The following NSD3 variants were observed in gnomAD, a reference collection of about 807,000 sequenced individuals.
NSD3 encodes the protein nuclear receptor binding SET domain protein 3.
A neutral mutation model predicts 160.8 loss-of-function variants in NSD3; 24 were observed. The ratio of observed to expected loss-of-function variants is 0.15; its 90% confidence interval spans 0.11 to 0.21. The LOEUF (loss-of-function observed/expected upper bound fraction) is 0.21, where lower values mean the gene tolerates loss of function less well. Ranked by LOEUF, NSD3 falls within the 10% of genes least tolerant of loss-of-function variation. NSD3 has a pLI of 1.00. For missense variants in NSD3, 1,157 were observed against 1,735.9 expected (o/e 0.67, Z 5.93); for synonymous variants, 520 against 600.0 (o/e 0.87, Z 1.95).
intron 3 of NSD3, among the ~76,000 whole-genome samples, chr8:38,338,170 C>T (rs971396619): frequency 4.6e-5 from 7 of 151,940 alleles, no homozygotes; most frequent in African/African-American, 1.5e-4. Flanking sequence ...TATGGTGGCA[C>T]GTGCCTGTCA....
intron 1 of NSD3, among the ~76,000 whole-genome samples, chr8:38,367,717 A>C (rs1435155679): frequency 6.6e-6 from 1 of 152,162 alleles, no homozygotes; most frequent in African/African-American, 2.4e-5. Context: ...GTCTCAAAAA[A>C]ATAAATAAAT....
chr8:38,320,869 G>A (rs1272667279), intron 8 of NSD3: 3 of 426,028 alleles, frequency 7.0e-6, no homozygotes, highest in Non-Finnish European at 1.2e-5. Context: ...CCTGAAACCT[G>A]TTTTCTGTGA....
chr8:38,301,560 A>G (rs1304586812), intron 14 of NSD3, among the ~76,000 whole-genome samples: 1 of 152,254 alleles, frequency 6.6e-6, no homozygotes, highest in African/African-American at 2.4e-5. Flanking sequence ...AGCCTGGGCA[A>G]CAAGAGCAAA....
intron 4 of NSD3, 150 bp downstream of exon 4, chr8:38,337,155 A>AAG: frequency 2.8e-6 from 1 of 354,060 alleles, no homozygotes; most frequent in Non-Finnish European, 4.2e-6. Flanking sequence ...AAAAAAAAAG[A>AAG]AAAAAAAAAA....
chr8:38,366,617 T>C (rs919025764), intron 1 of NSD3, among the ~76,000 whole-genome samples: 3 of 152,036 alleles, frequency 2.0e-5, no homozygotes, highest in Admixed American at 1.3e-4. Context: ...TTTCACCATG[T>C]TGGCCAGGAT....
At chr8:38,287,741 CTCCAGGGTTCAAGTGAT>C (rs1002638478) in intron 19 of NSD3, among the ~76,000 whole-genome samples, 10 of 151,952 alleles carry the variant, frequency 6.6e-5, no homozygotes, top group African/African-American at 2.4e-4. Flanking sequence ...CAACCTCCAC[CTCCAGGGTTCAAGTGAT>C]TCTCCTGCCT....
rs572656757 is a variant in NSD3 at position 38,271,747 on chromosome 8, A to G, written c.*3894T>C. ...GTCTACGCTGCCCAGAAATAAAGCA[A>G]CTTTCCAATGTCCTTTTTCTCATAT... On this transcript the variant is annotated 3_prime_UTR_variant, in exon 24 of 24. Transcript: ENST00000317025. 1 of 152,312 alleles carries G rather than the reference A, an allele frequency of 6.6e-6. No individual in the cohort carries two copies. The highest frequency in any genetic ancestry group is 2.1e-4 in the South Asian group (1 of 4,832). The allele number at this position is 152,312 out of a possible 1,614,324, so 9.4% of individuals were successfully genotyped here. A position where few individuals can be genotyped will look rare whatever the true frequency, so the allele number is the denominator to read the frequency against.
At chr8:38,371,988 C>T (rs1331289020) in intron 1 of NSD3, among the ~76,000 whole-genome samples, 1 of 152,096 alleles carries the variant, frequency 6.6e-6, no homozygotes, top group Non-Finnish European at 1.5e-5. Flanking sequence ...GGTTCTCTTG[C>T]CCAAATTACA....
intron 7 of NSD3, among the ~76,000 whole-genome samples, chr8:38,326,446 C>T (rs750795874): frequency 3.3e-5 from 5 of 152,052 alleles, no homozygotes; most frequent in Non-Finnish European, 5.9e-5. Flanking sequence ...GAGAGATAGT[C>T]GATGGTGTAT....
chr8:38,380,926 T>G (rs2150400286), intron 1 of NSD3: 1 of 152,196 alleles, frequency 6.6e-6, no homozygotes, highest in East Asian at 1.9e-4. Flanking sequence ...TATGGCCATG[T>G]CTCTCCCTGC....
intron 22 of NSD3, 68 bp downstream of exon 22, chr8:38,278,238 A>G: frequency 6.8e-7 from 1 of 1,467,530 alleles, no homozygotes. Flanking sequence ...GCGCCCGGCC[A>G]AACAGACTTC....
Position 38,275,613 on chromosome 8 carries a change from T to C in NSD3, c.*28A>G, listed in dbSNP as rs372645268. On this transcript the variant is annotated 3_prime_UTR_variant, in exon 24 of 24. Transcript: ENST00000317025. The stretch of plus-strand genomic sequence containing the variant: ...GCATGATCTATTTGCTTTTTTCACT[T>C]AAATAGAAAGGAGGGGACACCACAC... The C allele has an allele frequency of 8.2e-6, 13 of 1,592,066 alleles. No homozygotes were observed. The African/African-American group carries it at 1.6e-4, about 20-fold the overall frequency.
At position 38,331,448 on chromosome 8, in the gene NSD3, G is replaced by GATT; in HGVS notation, c.1045_1047dup (p.Asn349dup). ...TTAGTTACCTTTTGTTTCTCAGAGT[G>GATT]ATTGCTGGCTTGTTTGGTTGCCTCA... is the stretch of plus-strand genomic sequence containing the variant. On this transcript the variant is annotated inframe_insertion, in exon 5 of 24. Coordinates refer to ENST00000317025, the MANE Select transcript of NSD3 (RefSeq NM_023034.2). 1 of 1,603,512 alleles carries GATT rather than the reference G, an allele frequency of 6.2e-7. No individual in the cohort carries two copies. The highest frequency in any genetic ancestry group is 8.5e-7 in the Non-Finnish European group (1 of 1,175,602).
rs769032559 is a variant in NSD3 at position 38,318,121 on chromosome 8, C to G, written c.1855+774G>C. On this transcript the variant is annotated intron_variant, in intron 9 of 23. Transcript: ENST00000317025. The surrounding 1 kb of genome is among the most constrained non-coding windows in gnomAD (Gnocchi z 5.3). ...TGTCTTTTCTTGGAGCTCCGCCAAG[C>G]AGTGTTCCCTCCGAGAGGCTGTTCA... 7.9e-6 allele frequency: 12 copies of G among 1,525,544 alleles called. No homozygotes were observed. Among genetic ancestry groups the G allele is most frequent in the Non-Finnish European group, 9.0e-6 (10 of 1,116,162 alleles). 94.5% of individuals were successfully genotyped at this position (1,525,544 alleles called of 1,614,324 possible). A position where few individuals can be genotyped will look rare whatever the true frequency, so the allele number is the denominator to read the frequency against.
chr8:38,298,291 T>C (rs1196611552), intron 15 of NSD3, among the ~76,000 whole-genome samples: 1 of 152,216 alleles, frequency 6.6e-6, no homozygotes, highest in Non-Finnish European at 1.5e-5. Context: ...GTCAAACCTA[T>C]GTTCATTTTT....
In NSD3 at chr8:38,279,601, T is replaced by C. The variant is rs1808686062; in HGVS notation, c.3699A>G (p.Gln1233=). The C allele has an allele frequency of 7.4e-6, 12 of 1,614,038 alleles. No homozygotes were observed. Among genetic ancestry groups the C allele is most frequent in the Non-Finnish European group, 1.0e-5 (12 of 1,180,020 alleles). Residue 1233 remains glutamine (Q), a synonymous_variant, in exon 21 of 24, where the codon CAA becomes CAG. Transcript: ENST00000317025. ...GAACATCTCCATTCACTGTCCACTT[T>C]TGTGTTTCACAGTTGGGATTACAAC... is the stretch of plus-strand genomic sequence containing the variant. The part of the protein sequence containing the change: ...NHSCNPNCET[Q]KWTVNGDVRV...
At position 38,304,634 on chromosome 8, in the gene NSD3, C is replaced by T; in HGVS notation, c.2564G>A (p.Ser855Asn). Reference sequence around the variant, plus strand: ...GCCTACATTTACAGCAGAAGAATTACTGCTCCGTTTGGAATGATTACTACA... The same window carrying T: ...GCCTACATTTACAGCAGAAGAATTATTGCTCCGTTTGGAATGATTACTACA... ...LICSNHSKRS[S>N]NSSAVNVGFC... Residue 855 changes from serine to asparagine, a missense_variant, in exon 14 of 24, where the codon AGT becomes AAT. Around this residue, in one of 10 missense-constraint regions of NSD3, gnomAD observed 437 missense variants for 576.6 expected, o/e 0.76. Coordinates refer to ENST00000317025, the MANE Select transcript of NSD3 (RefSeq NM_023034.2). The T allele has an allele frequency of 6.2e-7, 1 of 1,613,706 alleles. No homozygotes were observed. Among genetic ancestry groups the T allele is most frequent in the Non-Finnish European group, 8.5e-7 (1 of 1,179,880 alleles).
chr8:38,328,063 C>T (rs1044188640), intron 6 of NSD3, among the ~76,000 whole-genome samples: 1 of 152,028 alleles, frequency 6.6e-6, no homozygotes, highest in Non-Finnish European at 1.5e-5. Flanking sequence ...AGGTCTGGCA[C>T]AGTGGCTCAT....
chr8:38,276,027 T>G (rs1035773530), intron 23 of NSD3, 145 bp from the exon 24 acceptor site: 10 of 842,280 alleles, frequency 1.2e-5, no homozygotes, highest in African/African-American at 1.7e-5. Flanking sequence ...CAAACATAGA[T>G]CTGGGTGTAC....
Sources: gnomAD v4.1 joint callset for allele counts (sites outside exome capture counted in the v4.1 genomes callset) on GRCh38, gnomAD v4.1.1 for gene constraint, gnomAD v4.1.1 regional missense constraint, Gnocchi (gnomAD v3.1) non-coding constraint, MANE v1.5 for transcripts, NCBI Gene and HGNC (gene_info 2026-07-23, HGNC 2026-07-21) for gene names.